The following KCNH7 variants were observed in gnomAD, a reference collection of about 807,000 sequenced individuals.
The protein encoded by KCNH7 is voltage-gated inwardly rectifying potassium channel KCNH7.
A neutral mutation model predicts 120.8 loss-of-function variants in KCNH7; 49 were observed. That is an observed-to-expected ratio of 0.41 (90% CI 0.32 to 0.51). KCNH7 has a LOEUF of 0.51. KCNH7 is among the 20% of genes least tolerant of loss of function. The pLI, the probability that KCNH7 is intolerant of heterozygous loss-of-function variation, is 0.38. For synonymous variants in KCNH7, 547 were observed against 516.1 expected, an observed-to-expected ratio of 1.06 and a Z score of -0.81; for missense variants, 1,097 against 1,446.6, an observed-to-expected ratio of 0.76 and a Z score of 3.92.
At chr2:162,627,267 T>C (rs1683593477) in intron 2 of KCNH7, among the ~76,000 whole-genome samples, 1 of 152,182 alleles carries the variant, frequency 6.6e-6, no homozygotes, top group Admixed American at 6.6e-5. Context: ...GGCCACTGAA[T>C]TCCCCATCTG....
chr2:162,451,594 G>C (rs1688771796), intron 6 of KCNH7, among the ~76,000 whole-genome samples: 1 of 152,008 alleles, frequency 6.6e-6, no homozygotes, highest in African/African-American at 2.4e-5. Flanking sequence ...CTTGTGTGGA[G>C]AGTCCAAGAA....
intron 2 of KCNH7, among the ~76,000 whole-genome samples, chr2:162,808,624 G>C (rs548814317): frequency 6.6e-5 from 10 of 152,084 alleles, no homozygotes; most frequent in Non-Finnish European, 1.3e-4. Flanking sequence ...CTTTAAGGGA[G>C]TTTGAAAATA....
intron 2 of KCNH7, among the ~76,000 whole-genome samples, chr2:162,831,730 C>A (rs1385210707): frequency 6.6e-6 from 1 of 152,166 alleles, no homozygotes; most frequent in African/African-American, 2.4e-5. Flanking sequence ...CAAGTTTCTC[C>A]TGTTAAACTT....
chr2:162,411,467 G>A (rs1272736714), intron 9 of KCNH7, among the ~76,000 whole-genome samples: 3 of 151,832 alleles, frequency 2.0e-5, no homozygotes, highest in Non-Finnish European at 4.4e-5. Flanking sequence ...GAGGAGGGAG[G>A]GTGAAAAGGA....
At position 162,750,268 on chromosome 2, in the gene KCNH7, G is replaced by A. The variant is rs543558320; in HGVS notation, c.307+86269C>T. Reference sequence around the variant, plus strand: ...ACAGCTTTGCTGTGCCCTGAAGGGAGACAGAAAGCACAGAGAAGGCCCTAG... The same window carrying A: ...ACAGCTTTGCTGTGCCCTGAAGGGAAACAGAAAGCACAGAGAAGGCCCTAG... On this transcript the variant is annotated intron_variant, in intron 2 of 15. Coordinates refer to ENST00000332142, the MANE Select transcript of KCNH7 (RefSeq NM_033272.4). Among the ~76,000 whole-genome samples the A allele has an allele frequency of 4.6e-5, 7 of 152,012 alleles. No individual in the cohort carries two copies. The East Asian group carries it at 1.4e-3, about 29-fold the overall frequency.
intron 2 of KCNH7, among the ~76,000 whole-genome samples, chr2:162,647,720 A>C (rs1684417604): frequency 6.6e-6 from 1 of 152,136 alleles, no homozygotes; most frequent in African/African-American, 2.4e-5. Flanking sequence ...AGGCCTCCCC[A>C]GCCACATTGA....
chr2:162,569,207 T>A (rs1693373867), intron 2 of KCNH7, among the ~76,000 whole-genome samples: 1 of 151,856 alleles, frequency 6.6e-6, no homozygotes, highest in Admixed American at 6.6e-5. Context: ...CAATTTCAGC[T>A]CCTGTTATTG....
chr2:162,481,521 C>A (rs539008792), intron 6 of KCNH7, among the ~76,000 whole-genome samples: 1 of 152,126 alleles, frequency 6.6e-6, no homozygotes, highest in Non-Finnish European at 1.5e-5. Context: ...TCAGGATGGT[C>A]TTATCTAAGA....
intron 2 of KCNH7, among the ~76,000 whole-genome samples, chr2:162,723,712 T>TA (rs1687412877): frequency 6.6e-6 from 1 of 152,226 alleles, no homozygotes; most frequent in Non-Finnish European, 1.5e-5. Flanking sequence ...CAAATATATT[T>TA]AAAACCCAAA....
At chr2:162,649,757 C>T (rs1684501919) in intron 2 of KCNH7, among the ~76,000 whole-genome samples, 1 of 152,106 alleles carries the variant, frequency 6.6e-6, no homozygotes, top group African/African-American at 2.4e-5. Flanking sequence ...AACATTTACT[C>T]TAAGTTAAAA....
intron 6 of KCNH7, among the ~76,000 whole-genome samples, chr2:162,472,138 G>C: frequency 6.6e-6 from 1 of 152,126 alleles, no homozygotes; most frequent in Non-Finnish European, 1.5e-5. Flanking sequence ...AAAAACCCTA[G>C]AAGAAAACCT....
chr2:162,582,388 A>G (rs540538019), intron 2 of KCNH7, among the ~76,000 whole-genome samples: 36 of 152,218 alleles, frequency 2.4e-4, no homozygotes, highest in African/African-American at 8.4e-4. Flanking sequence ...CTTTAGTAGT[A>G]AGGAGTAGCA....
intron 2 of KCNH7, among the ~76,000 whole-genome samples, chr2:162,806,232 G>A (rs573143192): frequency 9.1e-4 from 138 of 152,114 alleles, no homozygotes; most frequent in Non-Finnish European, 1.7e-3. Context: ...AAAAGCTATC[G>A]AAATTTTAAA....
At chr2:162,637,749 T>G (rs1684012051) in intron 2 of KCNH7, among the ~76,000 whole-genome samples, 1 of 152,030 alleles carries the variant, frequency 6.6e-6, no homozygotes. Flanking sequence ...AAAATTGATG[T>G]GCTGATCTCT....
intron 2 of KCNH7, among the ~76,000 whole-genome samples, chr2:162,649,067 T>C (rs1241087768): frequency 6.6e-6 from 1 of 152,192 alleles, no homozygotes; most frequent in Admixed American, 6.5e-5. Context: ...ACAGAAGTAA[T>C]AAATACAGAG....
At chr2:162,745,019 G>C (rs570713701) in intron 2 of KCNH7, among the ~76,000 whole-genome samples, 97 of 152,316 alleles carry the variant, frequency 6.4e-4, no homozygotes, top group African/African-American at 2.1e-3. Flanking sequence ...TTGGAGACAT[G>C]CTCATTGGTT....
chr2:162,651,509 C>T (rs1684564240), intron 2 of KCNH7, among the ~76,000 whole-genome samples: 1 of 152,074 alleles, frequency 6.6e-6, no homozygotes, highest in Admixed American at 6.6e-5. Context: ...ATAATAGCCT[C>T]CAGCTCCATC....
chr2:162,391,746 A>C (rs1252652580), intron 12 of KCNH7, among the ~76,000 whole-genome samples: 1 of 151,974 alleles, frequency 6.6e-6, no homozygotes, highest in African/African-American at 2.4e-5. Context: ...AACAAGATTG[A>C]AAGGAGATTT....
At chr2:162,660,370 C>T (rs1187124686) in intron 2 of KCNH7, among the ~76,000 whole-genome samples, 3 of 152,024 alleles carry the variant, frequency 2.0e-5, no homozygotes, top group African/African-American at 7.2e-5. Flanking sequence ...CTTAAAATTT[C>T]TTGTTTGACC....
Sources: gnomAD v4.1 joint callset for allele counts (sites outside exome capture counted in the v4.1 genomes callset) on GRCh38, gnomAD v4.1.1 for gene constraint, MANE v1.5 for transcripts, NCBI Gene and HGNC (gene_info 2026-07-23, HGNC 2026-07-21) for gene names.